Variants in CALN1 observed in about 807,000 individuals in gnomAD.
CALN1 encodes the protein calcium-binding protein 8.
A neutral mutation model predicts 30.6 loss-of-function variants in CALN1; 17 were observed. The observed-to-expected ratio is 0.56, with a 90% CI of 0.38 to 0.83. The LOEUF is 0.83. Among genes scored for constraint, CALN1 ranks in the 40% least tolerant of loss-of-function variants. CALN1 has a pLI of 0.00. For synonymous variants in CALN1, 156 were observed against 131.4 expected (o/e 1.19, Z -1.28); for missense variants, 291 against 354.9 (o/e 0.82, Z 1.45).
intron 3 of CALN1, among the ~76,000 whole-genome samples, chr7:72,190,964 T>C (rs1007246996): frequency 6.6e-6 from 1 of 152,214 alleles, no homozygotes; most frequent in African/African-American, 2.4e-5. Flanking sequence ...CACATTCCCA[T>C]TTCTAATTCT....
intron 2 of CALN1, among the ~76,000 whole-genome samples, chr7:72,401,435 G>A (rs1428880686): frequency 6.6e-6 from 1 of 152,152 alleles, no homozygotes; most frequent in African/African-American, 2.4e-5. Flanking sequence ...TAAGGAATGT[G>A]TGGATACATC....
At chr7:71,947,859 G>A (rs1272703340) in intron 5 of CALN1, among the ~76,000 whole-genome samples, 1 of 150,632 alleles carries the variant, frequency 6.6e-6, no homozygotes, top group Admixed American at 6.6e-5. Context: ...AGAATTACTT[G>A]AACCTGGGAG....
At chr7:71,905,761 AT>A (rs942103944) in intron 5 of CALN1, among the ~76,000 whole-genome samples, 2 of 152,138 alleles carry the variant, frequency 1.3e-5, no homozygotes, top group Non-Finnish European at 2.9e-5. Context: ...TATAAAAAAA[AT>A]CTAGGGTTTA....
At chr7:72,345,078 G>A (rs144293512) in intron 2 of CALN1, among the ~76,000 whole-genome samples, 4,443 of 148,032 alleles carry the variant, frequency 0.03, 87 homozygotes, top group Non-Finnish European at 0.048. Flanking sequence ...TGCATGTTAT[G>A]TATAATTATA....
In CALN1 at chr7:71,992,865, G is replaced by C. The variant is rs117921881; in HGVS notation, c.501+30792C>G. ...ATCATAGCAGATCTAAGCCAATCAC[G>C]ATCACTGGCCTCTTTTCCTATTTTC... On this transcript the variant is annotated intron_variant, in intron 5 of 6. Transcript: ENST00000395275. Among the ~76,000 whole-genome samples the C allele has an allele frequency of 9.9e-4, 151 of 152,238 alleles. 2 individuals are homozygous for C. Among genetic ancestry groups the C allele is most frequent in the Admixed American group, 9.7e-3 (149 of 15,294 alleles).
chr7:71,852,768 G>A (rs898783334), intron 5 of CALN1, among the ~76,000 whole-genome samples: 3 of 152,080 alleles, frequency 2.0e-5, no homozygotes, highest in Non-Finnish European at 4.4e-5. Context: ...CAAGAAGTGG[G>A]TAACTCACGG....
At chr7:72,499,703 TA>T in the CALN1 span, among the ~76,000 whole-genome samples, 1 of 152,090 alleles carries the variant, frequency 6.6e-6, no homozygotes, top group Non-Finnish European at 1.5e-5. Flanking sequence ...AAAGAATCTA[TA>T]AAAAATTATT....
At chr7:72,318,119 G>A (rs1488053518) in intron 2 of CALN1, among the ~76,000 whole-genome samples, 1 of 152,040 alleles carries the variant, frequency 6.6e-6, no homozygotes. Flanking sequence ...TTCATAAGGG[G>A]CATCCCTATT....
chr7:71,960,181 A>ATAAATAAG (rs1797175834), intron 5 of CALN1, among the ~76,000 whole-genome samples: 1 of 148,762 alleles, frequency 6.7e-6, no homozygotes, highest in Non-Finnish European at 1.5e-5. Context: ...AAATAAATAA[A>ATAAATAAG]TAAAATAAAA....
At chr7:72,409,730 T>C (rs1158230269) in intron 1 of CALN1, among the ~76,000 whole-genome samples, 3 of 152,062 alleles carry the variant, frequency 2.0e-5, no homozygotes, top group Admixed American at 6.5e-5. Flanking sequence ...ATGGGTTAAA[T>C]GGTTTTTAGC....
intron 2 of CALN1, among the ~76,000 whole-genome samples, chr7:72,359,138 GCA>G (rs1448732035): frequency 3.3e-5 from 5 of 152,002 alleles, no homozygotes; most frequent in African/African-American, 1.2e-4. Context: ...TAGGAACCCT[GCA>G]CTAGATCTCA....
chr7:72,216,932 T>C lies in CALN1; in HGVS notation c.244+61754A>G, dbSNP rs572690980. Among the ~76,000 whole-genome samples, 295 of 151,832 alleles carry C rather than the reference T, an allele frequency of 1.9e-3. 14 individuals carry two copies. The South Asian group carries it at 0.059, about 30-fold the overall frequency. On this transcript the variant is annotated intron_variant, in intron 3 of 6. Coordinates refer to ENST00000395275, the MANE Select transcript of CALN1 (RefSeq NM_031468.4). The stretch of plus-strand genomic sequence containing the variant: ...ACACCCACTGATTTTTTTTAAGAGA[T>C]GGGGTCTTGCTATGTTGCCCAGACT...
intron 2 of CALN1, among the ~76,000 whole-genome samples, chr7:72,314,903 T>G (rs557673243): frequency 1.3e-5 from 2 of 149,170 alleles, no homozygotes; most frequent in East Asian, 3.9e-4. Context: ...AACCCAGCAC[T>G]TTGGGAGGCC....
intron 5 of CALN1, among the ~76,000 whole-genome samples, chr7:71,999,034 TA>T (rs1250006747): frequency 1.3e-5 from 2 of 152,068 alleles, no homozygotes; most frequent in African/African-American, 4.8e-5. Flanking sequence ...AGTACACCAA[TA>T]AAAAAACAGA....
intron 5 of CALN1, among the ~76,000 whole-genome samples, chr7:71,883,532 GAGTTAGGAA>G (rs1792711529): frequency 6.6e-6 from 1 of 152,096 alleles, no homozygotes; most frequent in Non-Finnish European, 1.5e-5. Flanking sequence ...CAGGAATAAG[GAGTTAGGAA>G]CATAATGAGC....
At chr7:72,263,566 T>C (rs73129534) in intron 3 of CALN1, among the ~76,000 whole-genome samples, 1,866 of 152,102 alleles carry the variant, frequency 0.012, 19 homozygotes, top group Non-Finnish European at 0.019. Context: ...TGGCTAACTT[T>C]TTAATTTTTT....
intron 3 of CALN1, among the ~76,000 whole-genome samples, chr7:72,149,283 C>T (rs368484618): frequency 2.6e-5 from 4 of 152,000 alleles, no homozygotes; most frequent in African/African-American, 9.7e-5. Context: ...GCCTGGCCAA[C>T]GTGGTAAAAC....
chr7:71,978,814 G>A (rs1046118582), intron 5 of CALN1, among the ~76,000 whole-genome samples: 1 of 152,160 alleles, frequency 6.6e-6, no homozygotes, highest in Non-Finnish European at 1.5e-5. Context: ...TCCTATCACT[G>A]TAGTACATTT....
intron 2 of CALN1, among the ~76,000 whole-genome samples, chr7:72,394,616 G>C (rs755884610): frequency 6.6e-6 from 1 of 151,000 alleles, no homozygotes; most frequent in African/African-American, 2.4e-5. Context: ...ATGTATATAT[G>C]CTTATTTAAT....
Sources: allele counts gnomAD v4.1 joint callset (sites outside exome capture counted in the v4.1 genomes callset), GRCh38; gene constraint gnomAD v4.1.1; transcripts MANE v1.5; gene names NCBI Gene and HGNC (gene_info 2026-07-23, HGNC 2026-07-21).